The following EIF5B variants were observed in gnomAD, a reference collection of about 807,000 sequenced individuals.
The protein encoded by EIF5B is eukaryotic translation initiation factor 5B.
In EIF5B, 47 loss-of-function variants were observed where a neutral mutation model predicts 147.5. That is an observed-to-expected ratio of 0.32 (90% CI 0.25 to 0.41). EIF5B has a LOEUF of 0.41. Among genes scored for constraint, EIF5B ranks in the 10% least tolerant of loss-of-function variants. The pLI is 1.00. For missense variants in EIF5B, 1,064 were observed against 1,413.2 expected, an observed-to-expected ratio of 0.75 and a Z score of 3.96; for synonymous variants, 455 against 456.2, an observed-to-expected ratio of 1.00 and a Z score of 0.03.
Position 99,363,738 on chromosome 2 carries a change from A to G in EIF5B, c.1013A>G (p.Lys338Arg), listed in dbSNP as rs948427988. Reference protein sequence around the residue: ...KEKEKKKGPSKATVKAMQEAL... With the variant: ...KEKEKKKGPSRATVKAMQEAL... ...AAAGAGAAGAAAAAAGGACCTAGCA[A>G]AGCCACTGTTAAAGCTATGCAAGAA... The change falls in exon 5 of 24, where the codon AAA becomes AGA. Residue 338 changes from lysine (K) to arginine (R), a missense_variant. Lys to Arg is a conservative substitution (Grantham distance 26, BLOSUM62 2). Around this residue, in one of 4 missense-constraint regions of EIF5B, gnomAD observed 458 missense variants for 451.3 expected, o/e 1.01. Transcript: ENST00000289371. The G allele has an allele frequency of 1.2e-6, 2 of 1,611,288 alleles. No individual in the cohort carries two copies. The highest frequency in any genetic ancestry group is 2.7e-5 in the African/African-American group (2 of 74,694).
chr2:99,377,572 A>C (rs999049247), intron 10 of EIF5B, among the ~76,000 whole-genome samples: 1 of 151,810 alleles, frequency 6.6e-6, no homozygotes, highest in South Asian at 2.1e-4. Flanking sequence ...CCCTTGCCAT[A>C]TACCCATGTT....
At chr2:99,394,679 T>G (rs1432029781) in intron 20 of EIF5B, 40 bp from the exon 21 acceptor site, 2 of 1,609,488 alleles carry the variant, frequency 1.2e-6, no homozygotes, top group South Asian at 1.1e-5. Context: ...ACATACTCTG[T>G]TTTTCACTGA....
intron 10 of EIF5B, among the ~76,000 whole-genome samples, chr2:99,377,396 T>G (rs1162448018): frequency 1.3e-5 from 2 of 151,726 alleles, no homozygotes; most frequent in Non-Finnish European, 1.5e-5. Context: ...ACTATTAAAA[T>G]TTGGGGGCCA....
At position 99,382,910 on chromosome 2, in the gene EIF5B, G is replaced by A; in HGVS notation, c.2260G>A (p.Ala754Thr). The A allele has an allele frequency of 6.2e-7, 1 of 1,606,600 alleles. No individual in the cohort carries two copies. The highest frequency in any genetic ancestry group is 8.5e-7 in the Non-Finnish European group (1 of 1,177,866). The change falls in exon 14 of 24, where the codon GCA becomes ACA. Residue 754 changes from alanine to threonine, a missense_variant. Ala to Thr is a moderately conservative substitution (Grantham distance 58). Around this residue, in one of 4 missense-constraint regions of EIF5B, gnomAD observed 380 missense variants for 715.6 expected, o/e 0.53. Coordinates refer to ENST00000289371, the MANE Select transcript of EIF5B (RefSeq NM_015904.4). Reference protein sequence around the residue: ...LKSKKCPFIVALNKIDRLYDW... With the variant: ...LKSKKCPFIVTLNKIDRLYDW... ...ATCTAAAAAATGTCCCTTCATTGTT[G>A]CACTCAATAAGGTATGTGCGCCTTC...
intron 1 of EIF5B, among the ~76,000 whole-genome samples, chr2:99,344,167 G>A (rs966288840): frequency 1.3e-5 from 2 of 151,870 alleles, no homozygotes; most frequent in Admixed American, 6.6e-5. Flanking sequence ...TTATCCGCCC[G>A]CCTCGGCCTC....
In EIF5B at chr2:99,373,852, G is replaced by T. The variant is rs542606307; in HGVS notation, c.1552+2122G>T. ...TTTTTTTCCTTTCATGAGCTTAGCA[G>T]TTGTATACCTTTCAAACAACTTTTT... is the stretch of plus-strand genomic sequence containing the variant. On this transcript the variant is annotated intron_variant, in intron 9 of 23. Coordinates refer to ENST00000289371, the MANE Select transcript of EIF5B (RefSeq NM_015904.4). 7.3e-4 allele frequency among the ~76,000 whole-genome samples: 111 copies of T among 151,926 alleles called. 1 individual carries two copies. The highest frequency in any genetic ancestry group is 2.6e-3 in the African/African-American group (108 of 41,396).
At chr2:99,366,878 A>G (rs1674338989) in intron 6 of EIF5B, among the ~76,000 whole-genome samples, 2 of 152,360 alleles carry the variant, frequency 1.3e-5, no homozygotes, top group African/African-American at 2.4e-5. Context: ...CCAGAAAGAT[A>G]GACAAACAGA....
chr2:99,393,055 C>A lies in EIF5B; in HGVS notation c.2837C>A (p.Pro946His). 6.3e-7 allele frequency: 1 copy of A among 1,583,290 alleles called. No homozygotes were observed. The highest frequency in any genetic ancestry group is 8.6e-7 in the Non-Finnish European group (1 of 1,165,162). The part of the protein sequence containing the change: ...KDLEKTLAGL[P>H]LLVAYKEDEI... ...CTGGAGAAAACATTGGCTGGTTTACCCCTCCTTGTGGCTTATAAAGAAGAT... is the reference window on the plus strand; with the variant it reads ...CTGGAGAAAACATTGGCTGGTTTACACCTCCTTGTGGCTTATAAAGAAGAT... Residue 946 changes from proline to histidine, a missense_variant, in exon 18 of 24, where the codon CCC becomes CAC. Transcript: ENST00000289371.
intron 17 of EIF5B, among the ~76,000 whole-genome samples, chr2:99,392,416 G>A (rs1455319155): frequency 4.6e-5 from 7 of 152,084 alleles, no homozygotes; most frequent in African/African-American, 1.2e-4. Context: ...AGTTTCCCAG[G>A]GTATGTATAC....
intron 1 of EIF5B, among the ~76,000 whole-genome samples, chr2:99,342,195 G>A (rs1237313204): frequency 6.6e-6 from 1 of 151,808 alleles, no homozygotes; most frequent in Non-Finnish European, 1.5e-5. Context: ...CTGTGGGCAT[G>A]TTAATGTTCT....
Position 99,369,431 on chromosome 2 carries a change from T to G in EIF5B, c.1427T>G (p.Met476Arg). 3 of 1,611,688 alleles carry G rather than the reference T, an allele frequency of 1.9e-6. No homozygotes were observed. Among genetic ancestry groups the G allele is most frequent in the Non-Finnish European group, 2.5e-6 (3 of 1,178,292 alleles). ...SMELCAAVEVMEQGVPEKEET... is the reference protein window; with the variant it reads ...SMELCAAVEVREQGVPEKEET... Reference sequence around the variant, plus strand: ...GAATTATGTGCTGCTGTAGAAGTTATGGAACAAGGAGTACCAGAAAAGGAA... The same window carrying G: ...GAATTATGTGCTGCTGTAGAAGTTAGGGAACAAGGAGTACCAGAAAAGGAA... Residue 476 changes from methionine (M) to arginine (R), a missense_variant, in exon 8 of 24, where the codon ATG (methionine) becomes AGG (arginine). Physicochemically the swap from Met to Arg is moderately conservative, Grantham distance 91. Coordinates refer to ENST00000289371, the MANE Select transcript of EIF5B (RefSeq NM_015904.4).
At chr2:99,354,615 T>A (rs1038810400) in intron 1 of EIF5B, among the ~76,000 whole-genome samples, 1 of 152,166 alleles carries the variant, frequency 6.6e-6, no homozygotes, top group African/African-American at 2.4e-5. Flanking sequence ...TTTTACTCTT[T>A]TCCTAAAAGT....
intron 5 of EIF5B, 113 bp downstream of exon 5, chr2:99,363,975 A>G (rs1674273883): frequency 8.6e-6 from 10 of 1,159,542 alleles, no homozygotes; most frequent in Non-Finnish European, 1.2e-5. Context: ...ATGGTAATTC[A>G]GTTATATTAT....
chr2:99,350,405 A>G (rs1020629279), intron 1 of EIF5B, among the ~76,000 whole-genome samples: 1 of 152,076 alleles, frequency 6.6e-6, no homozygotes, highest in African/African-American at 2.4e-5. Flanking sequence ...TTCCCCCCAC[A>G]GTATATAATA....
At chr2:99,346,023 G>A (rs2094272644) in intron 1 of EIF5B, among the ~76,000 whole-genome samples, 1 of 151,960 alleles carries the variant, frequency 6.6e-6, no homozygotes, top group South Asian at 2.1e-4. Flanking sequence ...TTTTAACATA[G>A]CAAATAGGCA....
chr2:99,379,485 A>G, intron 12 of EIF5B, 57 bp downstream of exon 12: 1 of 1,319,922 alleles, frequency 7.6e-7, no homozygotes, highest in Non-Finnish European at 1.1e-6. Context: ...GATATGAACT[A>G]TTTCAAACAT....
At chr2:99,391,448 C>T (rs1260900926) in intron 17 of EIF5B, among the ~76,000 whole-genome samples, 1 of 152,154 alleles carries the variant, frequency 6.6e-6, no homozygotes, top group Non-Finnish European at 1.5e-5. Context: ...GTACACACAA[C>T]ATAGAAGAAA....
At chr2:99,339,692 T>C (rs191069328) in intron 1 of EIF5B, among the ~76,000 whole-genome samples, 35 of 152,268 alleles carry the variant, frequency 2.3e-4, no homozygotes, top group Admixed American at 1.8e-3. Flanking sequence ...CTTACACTTT[T>C]TACTTTCCAG....
chr2:99,361,174 C>A lies in EIF5B; in HGVS notation c.273C>A (p.Phe91Leu). Residue 91 changes from phenylalanine (F) to leucine (L), a missense_variant, in exon 4 of 24, where the codon TTC becomes TTA. Phe to Leu is a conservative substitution (Grantham distance 22). Coordinates refer to ENST00000289371, the MANE Select transcript of EIF5B (RefSeq NM_015904.4). ...VKPTENNEEE[F>L]TSKDKKKKGQ... ...CAACAGAAAACAATGAAGAGGAATT[C>A]ACCTCAAAAGATAAAAAAAAGAAAG... 2 of 1,539,276 alleles carry A rather than the reference C, an allele frequency of 1.3e-6. No homozygotes were observed. Among genetic ancestry groups the A allele is most frequent in the East Asian group, 4.6e-5 (2 of 43,188 alleles).
Sources: allele counts gnomAD v4.1 joint callset (sites outside exome capture counted in the v4.1 genomes callset), GRCh38; gene constraint gnomAD v4.1.1; regional missense constraint gnomAD v4.1.1; transcripts MANE v1.5; gene names NCBI Gene and HGNC (gene_info 2026-07-23, HGNC 2026-07-21).